Variants in CLIC5 observed in about 807,000 individuals in gnomAD.
CLIC5 encodes the protein chloride intracellular channel protein 5.
In CLIC5, 20 loss-of-function variants were observed where a neutral mutation model predicts 24.7. That is an observed-to-expected ratio of 0.81 (90% CI 0.57 to 1.18). CLIC5 has a LOEUF of 1.18. CLIC5 is among the 50% of genes most tolerant of loss of function. CLIC5 has a pLI of 0.00. For synonymous variants in CLIC5, 159 were observed against 135.6 expected, an observed-to-expected ratio of 1.17 and a Z score of -1.20; for missense variants, 341 against 326.1, an observed-to-expected ratio of 1.05 and a Z score of -0.35.
At chr6:46,085,500 C>T in the CLIC5 span, among the ~76,000 whole-genome samples, 10 of 152,202 alleles carry the variant, frequency 6.6e-5, no homozygotes, top group Admixed American at 3.3e-4. Flanking sequence ...ACAGACAGGA[C>T]CCTCAGCTGC....
intron 1 of CLIC5, among the ~76,000 whole-genome samples, chr6:46,008,610 A>G (rs1237710422): frequency 2.0e-5 from 3 of 151,804 alleles, no homozygotes; most frequent in Admixed American, 2.0e-4. Context: ...GCATTTTCAT[A>G]TATTGATTGA....
intron 5 of CLIC5, 109 bp from the exon 6 acceptor site, chr6:45,903,364 C>T: frequency 2.4e-6 from 2 of 827,940 alleles, no homozygotes; most frequent in Non-Finnish European, 3.6e-6. Flanking sequence ...CTCCGTGCAT[C>T]ACCACGGGCC....
At chr6:45,990,032 C>A (rs931769203) in intron 1 of CLIC5, among the ~76,000 whole-genome samples, 15 of 152,278 alleles carry the variant, frequency 9.9e-5, no homozygotes, top group South Asian at 2.1e-4. Context: ...TCCTCTGAAC[C>A]AGGCAACCTT....
the CLIC5 span, among the ~76,000 whole-genome samples, chr6:46,124,933 A>G: frequency 2.6e-5 from 4 of 152,260 alleles, no homozygotes; most frequent in South Asian, 2.1e-4. Context: ...AACAACAGGT[A>G]CTGGAGAGGA....
At chr6:46,006,613 C>T (rs1766592551) in intron 1 of CLIC5, among the ~76,000 whole-genome samples, 1 of 151,988 alleles carries the variant, frequency 6.6e-6, no homozygotes, top group Non-Finnish European at 1.5e-5. Flanking sequence ...ACCTCTTATT[C>T]CTTGATCACC....
intron 1 of CLIC5, among the ~76,000 whole-genome samples, chr6:46,012,999 T>C (rs1042381051): frequency 2.0e-5 from 3 of 152,226 alleles, no homozygotes; most frequent in African/African-American, 7.2e-5. Flanking sequence ...TTATCAGCAG[T>C]AGTAGTAACA....
chr6:45,920,932 T>G (rs566811599), intron 4 of CLIC5, among the ~76,000 whole-genome samples: 1 of 152,040 alleles, frequency 6.6e-6, no homozygotes, highest in African/African-American at 2.4e-5. Flanking sequence ...GTGTAACCAA[T>G]CCCCTCCCCC....
intron 1 of CLIC5, among the ~76,000 whole-genome samples, chr6:45,992,079 A>G (rs566517850): frequency 6.6e-6 from 1 of 152,340 alleles, no homozygotes; most frequent in East Asian, 1.9e-4. Flanking sequence ...TTGTATCAAG[A>G]GTTCCAGAGG....
At chr6:46,082,782 C>G (rs1379452028), upstream of CLIC5, among the ~76,000 whole-genome samples, 1 of 150,562 alleles carries the variant, frequency 6.6e-6, no homozygotes, top group African/African-American at 2.4e-5. Context: ...TGTTCCATTA[C>G]TAAAAACCCT....
chr6:45,914,793 C>A (rs1581727689), intron 4 of CLIC5, among the ~76,000 whole-genome samples: 1 of 140,914 alleles, frequency 7.1e-6, no homozygotes, highest in East Asian at 2.1e-4. Flanking sequence ...TCTACTAAAA[C>A]TACAAAAATT....
At chr6:46,059,161 C>G (rs1768345305) in intron 1 of CLIC5, among the ~76,000 whole-genome samples, 1 of 152,172 alleles carries the variant, frequency 6.6e-6, no homozygotes, top group African/African-American at 2.4e-5. Flanking sequence ...AGTGGATTTT[C>G]TTGTCTGCCT....
chr6:45,975,658 G>A (rs745382006), intron 1 of CLIC5, among the ~76,000 whole-genome samples: 1 of 152,050 alleles, frequency 6.6e-6, no homozygotes, highest in Non-Finnish European at 1.5e-5. Context: ...ATCTTGAAAT[G>A]TGCTTTAAAT....
Position 46,015,720 on chromosome 6 carries a change from C to T in CLIC5, c.-178G>A. The T allele has an allele frequency of 8.0e-7, 1 of 1,254,994 alleles. No homozygotes were observed. Among genetic ancestry groups the T allele is most frequent in the Non-Finnish European group, 1.0e-6 (1 of 999,338 alleles). The allele number at this position is 1,254,994 out of a possible 1,614,324, so 77.7% of individuals were successfully genotyped here. A position where few individuals can be genotyped will look rare whatever the true frequency, so the allele number is the denominator to read the frequency against. On this transcript the variant is annotated 5_prime_UTR_variant, in exon 1 of 6. Coordinates refer to ENST00000339561, the MANE Select transcript of CLIC5 (RefSeq NM_016929.5). ...CAGCGGGGTCTGAGAGATCAGTGTC[C>T]CAGATGCTCACATGAAAAGGAGCGA...
At chr6:46,089,128 G>A in the CLIC5 span, among the ~76,000 whole-genome samples, 1 of 152,170 alleles carries the variant, frequency 6.6e-6, no homozygotes, top group Non-Finnish European at 1.5e-5. Flanking sequence ...AGAAGTAGGG[G>A]ACAAAGAAGG....
intron 1 of CLIC5, among the ~76,000 whole-genome samples, chr6:46,044,217 C>T (rs1433968491): frequency 6.6e-6 from 1 of 152,014 alleles, no homozygotes; most frequent in Non-Finnish European, 1.5e-5. Context: ...ACAAAGGGTT[C>T]CTTGCTCCAG....
chr6:45,976,263 C>T (rs1414258789), intron 1 of CLIC5, among the ~76,000 whole-genome samples: 1 of 152,126 alleles, frequency 6.6e-6, no homozygotes, highest in African/African-American at 2.4e-5. Context: ...TGGGAAGCAG[C>T]GTTTACTACT....
chr6:45,984,444 G>A (rs930130142), intron 1 of CLIC5, among the ~76,000 whole-genome samples: 2 of 152,154 alleles, frequency 1.3e-5, no homozygotes, highest in African/African-American at 2.4e-5. Context: ...GCTTTGAGAC[G>A]AGACAGTTGA....
chr6:46,044,530 C>T (rs141334895), intron 1 of CLIC5, among the ~76,000 whole-genome samples: 107 of 152,254 alleles, frequency 7.0e-4, no homozygotes, highest in African/African-American at 2.4e-3. Flanking sequence ...AGTATTGTTA[C>T]AAACCTTCAG....
chr6:46,110,383 T>C, the CLIC5 span, among the ~76,000 whole-genome samples: 3 of 152,222 alleles, frequency 2.0e-5, no homozygotes, highest in African/African-American at 7.2e-5. Flanking sequence ...GACCTGGTGT[T>C]GGGTCTGATC....
Sources: gnomAD v4.1 joint callset for allele counts (sites outside exome capture counted in the v4.1 genomes callset) on GRCh38, gnomAD v4.1.1 for gene constraint, MANE v1.5 for transcripts, NCBI Gene and HGNC (gene_info 2026-07-23, HGNC 2026-07-21) for gene names.